The following PRR5L variants were observed in gnomAD, a reference collection of about 807,000 sequenced individuals.
PRR5L encodes proline-rich protein 5-like.
PRR5L carries 21 observed loss-of-function variants against 36.4 expected under a neutral mutation model. That is an observed-to-expected ratio of 0.58 (90% CI 0.41 to 0.83). The LOEUF is 0.83. Among genes scored for constraint, PRR5L ranks in the 40% least tolerant of loss-of-function variants. PRR5L has a pLI of 0.00. For missense variants in PRR5L, 381 were observed against 473.3 expected (o/e 0.80, Z 1.81); for synonymous variants, 188 against 197.0 (o/e 0.95, Z 0.38).
Position 36,431,881 on chromosome 11 carries a change from T to TTGTGGAGGAGAAGATCAAGCTG in PRR5L, c.328_349dup (p.Glu117GlyfsTer8). On this transcript the variant is annotated frameshift_variant, in exon 5 of 9. Transcript: ENST00000530639. LOFTEE classifies it high-confidence loss of function. ...CAGCTTCTTGCAAAAGGACTGTTCT[T>TTGTGGAGGAGAAGATCAAGCTG]TGTGGAGGAGAAGATCAAGCTGTGT... 6.2e-7 allele frequency: 1 copy of TTGTGGAGGAGAAGATCAAGCTG among 1,614,112 alleles called. No homozygotes were observed. Among genetic ancestry groups the TTGTGGAGGAGAAGATCAAGCTG allele is most frequent in the African/African-American group, 1.3e-5 (1 of 75,032 alleles).
intron 3 of PRR5L, among the ~76,000 whole-genome samples, chr11:36,405,576 G>C (rs932827819): frequency 2.6e-5 from 4 of 152,138 alleles, no homozygotes; most frequent in African/African-American, 9.7e-5. Context: ...TGATAAATGA[G>C]AAAATCATGC....
In PRR5L at chr11:36,451,413, C is replaced by T. The variant is rs1019539610; in HGVS notation, c.712+78C>T. 16 of 1,529,650 alleles carry T rather than the reference C, an allele frequency of 1.0e-5. No individual in the cohort carries two copies. The African/African-American group carries it at 2.1e-4, about 20-fold the overall frequency. 94.8% of individuals were successfully genotyped at this position (1,529,650 alleles called of 1,614,324 possible). ...CACTGTTTAACTGAGCACTGTTTAA[C>T]TGAGCACTGATACCAGCACTGTTTA... On this transcript the variant is annotated intron_variant, in intron 8 of 8. Transcript: ENST00000530639.
At chr11:36,429,058 AT>A (rs1243175511) in intron 4 of PRR5L, among the ~76,000 whole-genome samples, 1 of 152,182 alleles carries the variant, frequency 6.6e-6, no homozygotes, top group East Asian at 1.9e-4. Flanking sequence ...TATAAAAAAG[AT>A]TTTTTTTCCT....
intron 1 of PRR5L, among the ~76,000 whole-genome samples, chr11:36,397,070 T>C (rs1353054492): frequency 6.8e-6 from 1 of 148,016 alleles, no homozygotes; most frequent in Non-Finnish European, 1.5e-5. Context: ...TTCTTTTCTT[T>C]TTTTTTTTTT....
Position 36,406,969 on chromosome 11 carries a change from T to C in PRR5L, c.245+3591T>C, listed in dbSNP as rs576646398. On this transcript the variant is annotated intron_variant, in intron 3 of 8. Coordinates refer to ENST00000530639, the MANE Select transcript of PRR5L (RefSeq NM_001160167.2). ...TAAGTCTGTTTTGTCTTTTATGAAA[T>C]GAGGATAATAATAGCACTAACCTCA... 3.9e-5 allele frequency among the ~76,000 whole-genome samples: 6 copies of C among 152,334 alleles called. No homozygotes were observed. In the South Asian group the frequency reaches 1.2e-3, roughly 32 times the overall value.
At chr11:36,436,886 T>C (rs536623402) in intron 5 of PRR5L, among the ~76,000 whole-genome samples, 1 of 152,226 alleles carries the variant, frequency 6.6e-6, no homozygotes, top group South Asian at 2.1e-4. Flanking sequence ...TAACAATTCA[T>C]GTAATAACAA....
chr11:36,336,942 G>A (rs1406785041), intron 1 of PRR5L, among the ~76,000 whole-genome samples: 1 of 152,028 alleles, frequency 6.6e-6, no homozygotes, highest in Non-Finnish European at 1.5e-5. Context: ...ATCTAGCACT[G>A]TGTGGGGGCA....
chr11:36,337,241 G>A (rs1406715230), intron 1 of PRR5L, among the ~76,000 whole-genome samples: 1 of 152,128 alleles, frequency 6.6e-6, no homozygotes, highest in East Asian at 1.9e-4. Context: ...GAGGTGATTA[G>A]GCCATGAGGA....
At chr11:36,320,037 T>A (rs910768965) in intron 1 of PRR5L, among the ~76,000 whole-genome samples, 9 of 152,056 alleles carry the variant, frequency 5.9e-5, no homozygotes, top group Non-Finnish European at 1.2e-4. Context: ...CAGGAAAAAG[T>A]TCCCATATCA....
intron 1 of PRR5L, among the ~76,000 whole-genome samples, chr11:36,341,775 G>A (rs142516248): frequency 1.9e-3 from 288 of 152,332 alleles, no homozygotes; most frequent in African/African-American, 6.6e-3. Flanking sequence ...AGGTCAAGTC[G>A]TTGGGCTCTG....
At chr11:36,334,780 T>TCTAA (rs1462572920) in intron 1 of PRR5L, among the ~76,000 whole-genome samples, 3 of 152,214 alleles carry the variant, frequency 2.0e-5, no homozygotes, top group African/African-American at 7.2e-5. Context: ...TATTCTGGAA[T>TCTAA]CTAACTCAGT....
At chr11:36,314,809 G>A (rs753679103) in intron 1 of PRR5L, among the ~76,000 whole-genome samples, 3 of 152,168 alleles carry the variant, frequency 2.0e-5, no homozygotes, top group Non-Finnish European at 4.4e-5. Flanking sequence ...CCCCATTTAA[G>A]TGCCTGCTCT....
At chr11:36,374,928 C>T (rs998618362) in intron 1 of PRR5L, among the ~76,000 whole-genome samples, 3 of 152,132 alleles carry the variant, frequency 2.0e-5, no homozygotes, top group Admixed American at 1.3e-4. Context: ...AAGTCTCCTC[C>T]CTGCTCATTG....
chr11:36,374,091 T>G lies in PRR5L; in HGVS notation c.-125-26906T>G, dbSNP rs866234885. 1.9e-3 allele frequency among the ~76,000 whole-genome samples: 229 copies of G among 122,390 alleles called. 2 individuals are homozygous for G. The highest frequency in any genetic ancestry group is 7.5e-3 in the Middle Eastern group (2 of 266). The allele number at this position is 122,390 out of a possible 152,430, so 80.3% of individuals were successfully genotyped here. ...CTTCCTTCCTTCCTTCCTTCCTTCC[T>G]TCCTTCCTTCCTTCCTCTCTCTCTC... On this transcript the variant is annotated intron_variant, in intron 1 of 8. Coordinates refer to ENST00000530639, the MANE Select transcript of PRR5L (RefSeq NM_001160167.2).
intron 3 of PRR5L, 145 bp from the exon 4 acceptor site, chr11:36,419,110 A>G: frequency 1.4e-6 from 1 of 724,332 alleles, no homozygotes. Context: ...CATGATAACA[A>G]TGGGGGAAGG....
intron 8 of PRR5L, among the ~76,000 whole-genome samples, chr11:36,452,630 T>C (rs932645983): frequency 6.6e-6 from 1 of 152,174 alleles, no homozygotes; most frequent in African/African-American, 2.4e-5. Context: ...TGGGGTGCCA[T>C]GTTGCTGCGG....
chr11:36,339,140 A>G (rs147924967), intron 1 of PRR5L, among the ~76,000 whole-genome samples: 3,365 of 152,324 alleles, frequency 0.022, 112 homozygotes, highest in African/African-American at 0.075. Context: ...AGTCTCAGGT[A>G]TGCCTTTATC....
chr11:36,310,006 T>TACCACCACCACCATCATCCCC (rs1323480663), intron 1 of PRR5L, among the ~76,000 whole-genome samples: 1 of 360 alleles, frequency 2.8e-3, no homozygotes, highest in Non-Finnish European at 0.016. Flanking sequence ...CCACCATCAC[T>TACCACCACCACCATCATCCCC]ATTAGAGCAG....
chr11:36,382,050 C>T (rs541576563), intron 1 of PRR5L, among the ~76,000 whole-genome samples: 54 of 152,058 alleles, frequency 3.6e-4, no homozygotes, highest in African/African-American at 1.3e-3. Flanking sequence ...CCCAGCTACT[C>T]GGGAGGCTGA....
Sources: gnomAD v4.1 joint callset for allele counts (sites outside exome capture counted in the v4.1 genomes callset) on GRCh38, gnomAD v4.1.1 for gene constraint, MANE v1.5 for transcripts, NCBI Gene and HGNC (gene_info 2026-07-23, HGNC 2026-07-21) for gene names.